The following ZNF521 variants were observed in gnomAD, a reference collection of about 807,000 sequenced individuals.
The protein encoded by ZNF521 is zinc finger protein 521.
In ZNF521, 14 loss-of-function variants were observed where a neutral mutation model predicts 105.5. That is an observed-to-expected ratio of 0.13 (90% CI 0.09 to 0.21). The LOEUF is 0.21. Ranked by LOEUF, ZNF521 falls within the 10% of genes least tolerant of loss-of-function variation. The probability of loss-of-function intolerance (pLI) is 1.00; values close to 1 mark genes in which losing one functional copy is unlikely to be tolerated. For synonymous variants in ZNF521, 635 were observed against 606.0 expected (o/e 1.05, Z -0.70); for missense variants, 1,233 against 1,629.7 (o/e 0.76, Z 4.19).
At chr18:25,116,105 G>A (rs748441521) in intron 5 of ZNF521, among the ~76,000 whole-genome samples, 8 of 152,102 alleles carry the variant, frequency 5.3e-5, no homozygotes, top group Non-Finnish European at 1.2e-4. Context: ...CTGTTGTGAT[G>A]GTATTCTCCT....
At chr18:25,116,935 G>A (rs1012977585) in intron 5 of ZNF521, among the ~76,000 whole-genome samples, 52 of 125,672 alleles carry the variant, frequency 4.1e-4, no homozygotes, top group Admixed American at 2.8e-3. Flanking sequence ...ATATATATAC[G>A]TATATATACA....
rs772284729 is a variant in ZNF521 at position 25,227,604 on chromosome 18, C to T, written c.314G>A (p.Cys105Tyr). 4 of 1,614,024 alleles carry T rather than the reference C, an allele frequency of 2.5e-6. No individual in the cohort carries two copies. Among genetic ancestry groups the T allele is most frequent in the African/African-American group, 1.3e-5 (1 of 74,910 alleles). The change falls in exon 4 of 8, where the codon TGC becomes TAC. Residue 105 changes from cysteine to tyrosine, a missense_variant. Transcript: ENST00000361524. This position sits in a 1 kb window ranked among gnomAD's most constrained non-coding sequence, Gnocchi z 5.7. ...DQTSPSHGEG[C>Y]DFGEEEGGPG... is the part of the protein sequence containing the mutation. ...GCCACCTTCTTCCTCTCCAAAATCG[C>T]AACCTTCTCCATGGCTAGGGGAAGT...
Position 25,350,893 on chromosome 18 carries a change from G to C in ZNF521, c.40+14C>G, listed in dbSNP as rs1225266044. 2 of 1,549,440 alleles carry C rather than the reference G, an allele frequency of 1.3e-6. No homozygotes were observed. The highest frequency in any genetic ancestry group is 3.9e-5 in the Admixed American group (2 of 51,006). Reference sequence around the variant, plus strand: ...CGGATGGGGGAAAGCGGGGAGCAGGGGGTTCCTCCTTACCTTTGAGGGATC... The same window carrying C: ...CGGATGGGGGAAAGCGGGGAGCAGGCGGTTCCTCCTTACCTTTGAGGGATC... On this transcript the variant is annotated intron_variant, in intron 2 of 7. Coordinates refer to ENST00000361524, the MANE Select transcript of ZNF521 (RefSeq NM_015461.3).
intron 3 of ZNF521, among the ~76,000 whole-genome samples, chr18:25,249,607 G>A (rs547529198): frequency 7.2e-5 from 11 of 152,102 alleles, no homozygotes; most frequent in African/African-American, 2.7e-4. Flanking sequence ...GATTACAGGC[G>A]CATGCCACCA....
intron 4 of ZNF521, among the ~76,000 whole-genome samples, chr18:25,197,117 G>A (rs4468712): frequency 0.5 from 75,245 of 151,550 alleles, 19,525 homozygotes; most frequent in African/African-American, 0.66. Flanking sequence ...ACTGACACAT[G>A]TAAGTTTTCT....
At chr18:25,179,157 T>TTGG in intron 5 of ZNF521, among the ~76,000 whole-genome samples, 2 of 89,496 alleles carry the variant, frequency 2.2e-5, no homozygotes, top group African/African-American at 4.9e-5. Flanking sequence ...TTTTTTTTTT[T>TTGG]TGGTGGTGGT....
At chr18:25,094,021 G>T (rs2033802995) in intron 5 of ZNF521, among the ~76,000 whole-genome samples, 1 of 152,136 alleles carries the variant, frequency 6.6e-6, no homozygotes, top group Non-Finnish European at 1.5e-5. Context: ...TAGTAAGAAG[G>T]TTACTACGGG....
chr18:25,062,520 A>T lies in ZNF521; in HGVS notation c.*192T>A. On this transcript the variant is annotated 3_prime_UTR_variant, in exon 8 of 8. Transcript: ENST00000361524. ...CGACATAATACATGTGCAACACTTTATATACAAGGGGTCTATCCGGTGCGC... is the reference window on the plus strand; with the variant it reads ...CGACATAATACATGTGCAACACTTTTTATACAAGGGGTCTATCCGGTGCGC... 1 of 668,322 alleles carries T rather than the reference A, an allele frequency of 1.5e-6. No individual in the cohort carries two copies. Among genetic ancestry groups the T allele is most frequent in the Non-Finnish European group, 2.5e-6 (1 of 403,950 alleles). 41.4% of individuals were successfully genotyped at this position (668,322 alleles called of 1,614,324 possible).
At chr18:25,216,923 A>C (rs1418262400) in intron 4 of ZNF521, among the ~76,000 whole-genome samples, 2 of 152,208 alleles carry the variant, frequency 1.3e-5, no homozygotes, top group Non-Finnish European at 2.9e-5. Context: ...TAAGGTTTTC[A>C]GGAAGGCCAA....
At chr18:25,300,338 T>C (rs1600276776) in intron 3 of ZNF521, among the ~76,000 whole-genome samples, 1 of 152,318 alleles carries the variant, frequency 6.6e-6, no homozygotes, top group East Asian at 1.9e-4. Context: ...AGCTACTAAC[T>C]TTCATAACCT....
chr18:25,270,466 A>G (rs775395633), intron 3 of ZNF521, among the ~76,000 whole-genome samples: 55 of 152,214 alleles, frequency 3.6e-4, no homozygotes, highest in Admixed American at 1.4e-3. Context: ...TGGTAGAGAC[A>G]CAACAAAAAA....
At chr18:25,342,989 T>C (rs1173871834) in intron 2 of ZNF521, among the ~76,000 whole-genome samples, 1 of 152,196 alleles carries the variant, frequency 6.6e-6, no homozygotes, top group Admixed American at 6.5e-5. Flanking sequence ...TAAAGCACAG[T>C]GATATTTTTT....
intron 3 of ZNF521, among the ~76,000 whole-genome samples, chr18:25,297,124 TAC>T (rs71266974): frequency 0.067 from 10,061 of 149,614 alleles, 647 homozygotes; most frequent in African/African-American, 0.17. Flanking sequence ...TGTCCCTTTA[TAC>T]ACACACACAC....
intron 2 of ZNF521, among the ~76,000 whole-genome samples, chr18:25,328,426 C>T (rs1387612416): frequency 6.6e-6 from 1 of 151,742 alleles, no homozygotes; most frequent in Non-Finnish European, 1.5e-5. Context: ...CACACACACA[C>T]ACACACACAC....
At chr18:25,191,425 C>T (rs1025876957) in intron 5 of ZNF521, among the ~76,000 whole-genome samples, 1 of 152,050 alleles carries the variant, frequency 6.6e-6, no homozygotes, top group Non-Finnish European at 1.5e-5. Flanking sequence ...GACTGGCCTT[C>T]GATGGTGAGT....
chr18:25,201,531 A>G (rs990646630), intron 4 of ZNF521: 9 of 152,172 alleles, frequency 5.9e-5, no homozygotes, highest in African/African-American at 1.4e-4. Flanking sequence ...GACTAAGTCC[A>G]TTTGTTTTTC....
intron 3 of ZNF521, among the ~76,000 whole-genome samples, chr18:25,252,088 A>T (rs1159820848): frequency 6.6e-6 from 1 of 152,220 alleles, no homozygotes; most frequent in African/African-American, 2.4e-5. Flanking sequence ...CACATATTAT[A>T]GCAATGTATG....
intron 5 of ZNF521, among the ~76,000 whole-genome samples, chr18:25,101,149 C>G (rs2033958392): frequency 6.6e-6 from 1 of 152,184 alleles, no homozygotes; most frequent in South Asian, 2.1e-4. Context: ...AGTATGCTGG[C>G]AGTTTTCCAA....
At chr18:25,074,045 T>TGTG (rs60767007) in intron 7 of ZNF521, among the ~76,000 whole-genome samples, 20,057 of 152,020 alleles carry the variant, frequency 0.13, 1,491 homozygotes, top group Middle Eastern at 0.18. Flanking sequence ...CATGTGTGTG[T>TGTG]CTGTGCACAT....
Sources: gnomAD v4.1 joint callset for allele counts (sites outside exome capture counted in the v4.1 genomes callset) on GRCh38, gnomAD v4.1.1 for gene constraint, Gnocchi (gnomAD v3.1) non-coding constraint, MANE v1.5 for transcripts, NCBI Gene and HGNC (gene_info 2026-07-23, HGNC 2026-07-21) for gene names.